GNAO1: variants seen among roughly 807,000 people sequenced by gnomAD.
GNAO1 encodes the protein G protein subunit alpha o1, also known as guanine nucleotide-binding protein G(o) subunit alpha.
For missense variants in GNAO1, 166 were observed against 478.7 expected, an observed-to-expected ratio of 0.35 and a Z score of 6.10; for synonymous variants, 164 against 180.7, an observed-to-expected ratio of 0.91 and a Z score of 0.74.
In GNAO1 at chr16:56,355,113, C is replaced by T. The variant is rs1052593468; in HGVS notation, c.*28+32C>T. ...ATTCCAGCACCCACAGAACAGCTTG[C>T]GTGCGCGCGCATACACACACACACA... On this transcript the variant is annotated intron_variant, in intron 8 of 8. Transcript: ENST00000262493. The T allele has an allele frequency of 3.6e-5, 31 of 865,224 alleles. 1 individual carries two copies. The highest frequency in any genetic ancestry group is 5.3e-5 in the East Asian group (2 of 37,762). The allele number at this position is 865,224 out of a possible 1,614,324, so 53.6% of individuals were successfully genotyped here.
chr16:56,349,844 G>A (rs2037905046), intron 6 of GNAO1, among the ~76,000 whole-genome samples: 1 of 152,208 alleles, frequency 6.6e-6, no homozygotes, highest in Non-Finnish European at 1.5e-5. Flanking sequence ...GTAGGCACGG[G>A]GGAGATACTG....
chr16:56,256,255 C>G (rs1422653363), intron 2 of GNAO1, among the ~76,000 whole-genome samples: 2 of 152,178 alleles, frequency 1.3e-5, no homozygotes, highest in Admixed American at 6.5e-5. Context: ...CTTCCCATTC[C>G]CCTTTGGCTA....
chr16:56,288,862 C>T (rs771910979), intron 3 of GNAO1, among the ~76,000 whole-genome samples: 15 of 152,122 alleles, frequency 9.9e-5, no homozygotes, highest in Non-Finnish European at 2.1e-4. Context: ...CAGGCCCATC[C>T]CTTACCCTAC....
intron 3 of GNAO1, among the ~76,000 whole-genome samples, chr16:56,298,975 G>A (rs1166231528): frequency 6.6e-6 from 1 of 152,000 alleles, no homozygotes; most frequent in Non-Finnish European, 1.5e-5. Flanking sequence ...GGGGTGTCAT[G>A]TGGATTGGGC....
chr16:56,325,620 G>A (rs1049390037), intron 3 of GNAO1, among the ~76,000 whole-genome samples: 5 of 152,156 alleles, frequency 3.3e-5, no homozygotes, highest in Middle Eastern at 3.2e-3. Flanking sequence ...TCCAGGACTC[G>A]TGCGGTCTGA....
intron 3 of GNAO1, among the ~76,000 whole-genome samples, chr16:56,325,788 G>A (rs2037625993): frequency 6.6e-6 from 1 of 152,164 alleles, no homozygotes; most frequent in Admixed American, 6.5e-5. Context: ...GTCACATGAA[G>A]GGTAAAGGGA....
chr16:56,235,136 A>C (rs2036625821), intron 2 of GNAO1: 1 of 356,854 alleles, frequency 2.8e-6, no homozygotes, highest in Middle Eastern at 6.5e-4. Context: ...GAAGAGGAGG[A>C]AGCAGCATGG....
chr16:56,320,511 G>A (rs2037559926), intron 3 of GNAO1, among the ~76,000 whole-genome samples: 1 of 152,248 alleles, frequency 6.6e-6, no homozygotes, highest in South Asian at 2.1e-4. Flanking sequence ...GGTCTGGGTA[G>A]CTCCTGAATT....
intron 3 of GNAO1, chr16:56,276,445 C>T (rs1019439337): frequency 6.3e-6 from 1 of 159,196 alleles, no homozygotes; most frequent in African/African-American, 2.4e-5. Flanking sequence ...CACCATCTCC[C>T]CTCCTTAGAA....
chr16:56,320,753 C>T (rs192690835), intron 3 of GNAO1, among the ~76,000 whole-genome samples: 2 of 152,310 alleles, frequency 1.3e-5, no homozygotes, highest in Admixed American at 1.3e-4. Flanking sequence ...CGAGGAAATG[C>T]AGTCAGGTTT....
intron 3 of GNAO1, among the ~76,000 whole-genome samples, chr16:56,292,560 T>C (rs2037242729): frequency 6.6e-6 from 1 of 152,040 alleles, no homozygotes; most frequent in African/African-American, 2.4e-5. Flanking sequence ...TAGGGTTACA[T>C]TATGTTGCCC....
intron 2 of GNAO1, among the ~76,000 whole-genome samples, chr16:56,214,888 G>A (rs1414115329): frequency 6.6e-6 from 1 of 152,214 alleles, no homozygotes; most frequent in Non-Finnish European, 1.5e-5. Flanking sequence ...CTCTGGGTCC[G>A]GTGCATAAAG....
chr16:56,346,038 A>G (rs2037864649), intron 6 of GNAO1: 1 of 985,052 alleles, frequency 1.0e-6, no homozygotes, highest in Non-Finnish European at 1.2e-6. Context: ...GGGCTGGAGG[A>G]GTGGGTGCTC....
intron 6 of GNAO1, among the ~76,000 whole-genome samples, chr16:56,338,160 G>A (rs1162805189): frequency 6.6e-6 from 1 of 152,192 alleles, no homozygotes; most frequent in Non-Finnish European, 1.5e-5. Context: ...CCGCCCTGAG[G>A]GGCTTACACA....
At chr16:56,205,059 G>A (rs2036314915) in intron 2 of GNAO1, among the ~76,000 whole-genome samples, 1 of 152,172 alleles carries the variant, frequency 6.6e-6, no homozygotes, top group Non-Finnish European at 1.5e-5. Flanking sequence ...CAGAACTCTA[G>A]TGCTAATTGA....
chr16:56,265,946 A>C (rs1322234901), intron 2 of GNAO1, among the ~76,000 whole-genome samples: 4 of 152,062 alleles, frequency 2.6e-5, no homozygotes, highest in Admixed American at 2.0e-4. Flanking sequence ...TCATTAGAAC[A>C]CTAAAGGTGC....
intron 3 of GNAO1, among the ~76,000 whole-genome samples, chr16:56,287,557 A>G (rs1345612112): frequency 6.6e-6 from 1 of 152,206 alleles, no homozygotes; most frequent in African/African-American, 2.4e-5. Context: ...AGCTACTGCC[A>G]TCTCCCTCCT....
At chr16:56,259,947 G>A (rs1016976856) in intron 2 of GNAO1, among the ~76,000 whole-genome samples, 1 of 152,192 alleles carries the variant, frequency 6.6e-6, no homozygotes, top group Non-Finnish European at 1.5e-5. Context: ...TATTTAGTCT[G>A]AGGGCTGTCC....
At chr16:56,251,108 G>C (rs766580434) in intron 2 of GNAO1, among the ~76,000 whole-genome samples, 9 of 152,204 alleles carry the variant, frequency 5.9e-5, no homozygotes, top group Non-Finnish European at 1.2e-4. Context: ...GTCTACAACA[G>C]GCTATCATAG....
Sources: allele counts gnomAD v4.1 joint callset (sites outside exome capture counted in the v4.1 genomes callset), GRCh38; gene constraint gnomAD v4.1.1; transcripts MANE v1.5; gene names NCBI Gene and HGNC (gene_info 2026-07-23, HGNC 2026-07-21).